Variants in TONSL observed in about 807,000 individuals in gnomAD.
TONSL encodes tonsoku like, DNA repair protein.
Under a neutral mutation model 147.1 loss-of-function variants are expected in TONSL, and 112 were observed. That is an observed-to-expected ratio of 0.76 (90% CI 0.65 to 0.89). The LOEUF (loss-of-function observed/expected upper bound fraction) is 0.89. Ranked by LOEUF, TONSL falls within the 40% of genes least tolerant of loss-of-function variation. The pLI, the probability that TONSL is intolerant of heterozygous loss-of-function variation, is 0.00. For missense variants in TONSL, 1,883 were observed against 1,864.6 expected, an observed-to-expected ratio of 1.01 and a Z score of -0.18; for synonymous variants, 868 against 801.5, an observed-to-expected ratio of 1.08 and a Z score of -1.40.
At chr8:144,439,506 C>G (rs1024877370) in intron 11 of TONSL, among the ~76,000 whole-genome samples, 10 of 152,302 alleles carry the variant, frequency 6.6e-5, no homozygotes, top group Middle Eastern at 3.4e-3. Context: ...CCACCCACCA[C>G]TCAGTCAGAA....
At position 144,432,365 on chromosome 8, in the gene TONSL, G is replaced by T; in HGVS notation, c.3655C>A (p.Leu1219Met). 6.2e-7 allele frequency: 1 copy of T among 1,613,250 alleles called. No homozygotes were observed. Among genetic ancestry groups the T allele is most frequent in the South Asian group, 1.1e-5 (1 of 91,036 alleles). Residue 1219 changes from leucine to methionine, a missense_variant, in exon 23 of 26, where the codon CTG (leucine) becomes ATG (methionine). By Grantham distance (15) the Leu-to-Met change is conservative. Transcript: ENST00000409379. ...TLQSLPAGTL[L>M]HLELSSVAAG... ...GCCACGGAGCTGAGCTCTAAGTGCA[G>T]GAGGGTGCCGGCGGGCAGGCTCTGC... is the stretch of plus-strand genomic sequence containing the variant.
At chr8:144,437,538 C>T (rs1391576773) in intron 13 of TONSL, 2 of 170,396 alleles carry the variant, frequency 1.2e-5, no homozygotes, top group Admixed American at 5.5e-5. Flanking sequence ...GTGATCTGCC[C>T]ACCTTGGCCT....
In TONSL at chr8:144,433,659, C is replaced by T. The variant is rs782299928; in HGVS notation, c.3488G>A (p.Arg1163His). 2.1e-5 allele frequency: 34 copies of T among 1,613,114 alleles called. No homozygotes were observed. The Admixed American group carries it at 4.2e-4, about 20-fold the overall frequency. Residue 1163 changes from arginine to histidine, a missense_variant, in exon 22 of 26, where the codon CGC becomes CAC. Physicochemically the swap from Arg to His is conservative, Grantham distance 29 (BLOSUM62 0). Coordinates refer to ENST00000409379, the MANE Select transcript of TONSL (RefSeq NM_013432.5). ...GGGGCCGAAGCCACACGCCTGCAGGCGCAGGGTGCTGAGTAAGGGGCAGGC... is the reference window on the plus strand; with the variant it reads ...GGGGCCGAAGCCACACGCCTGCAGGTGCAGGGTGCTGAGTAAGGGGCAGGC... The part of the protein sequence containing the change: ...LHACPLLSTL[R>H]LQACGFGPSF...
In TONSL at chr8:144,430,419, A is replaced by G. The variant is rs782685202; in HGVS notation, c.3928T>C (p.Phe1310Leu). The G allele has an allele frequency of 1.2e-6, 2 of 1,609,898 alleles. No individual in the cohort carries two copies. The highest frequency in any genetic ancestry group is 1.1e-5 in the South Asian group (1 of 90,414). ...CAGCACTCACCTGACAGGCCAAGGAAGCTAAGGCCTTGGGGCCGCTTTTGG... is the reference window on the plus strand; with the variant it reads ...CAGCACTCACCTGACAGGCCAAGGAGGCTAAGGCCTTGGGGCCGCTTTTGG... ...TLQKRPQGLS[F>L]LGLSGCAVQG... Residue 1310 changes from phenylalanine to leucine, a missense_variant, in exon 25 of 26, where the codon TTC (phenylalanine) becomes CTC (leucine). Transcript: ENST00000409379.
rs1823229369 is a variant in TONSL at position 144,432,165 on chromosome 8, C to T, written c.3735+120G>A. 5.3e-6 allele frequency: 6 copies of T among 1,134,666 alleles called. No individual in the cohort carries two copies. The East Asian group carries it at 7.3e-5, about 14-fold the overall frequency. The allele number at this position is 1,134,666 out of a possible 1,614,324, so 70.3% of individuals were successfully genotyped here. A position where few individuals can be genotyped will look rare whatever the true frequency, so the allele number is the denominator to read the frequency against. Reference sequence around the variant, plus strand: ...TCTAAACCTCCAAACCTCTAACTCTCTCTGTAGAGCCCCTCAGCGAGTTCA... The same window carrying T: ...TCTAAACCTCCAAACCTCTAACTCTTTCTGTAGAGCCCCTCAGCGAGTTCA... On this transcript the variant is annotated intron_variant, in intron 23 of 25. Transcript: ENST00000409379.
chr8:144,430,017 G>A (rs529880439), intron 25 of TONSL, among the ~76,000 whole-genome samples: 1 of 152,316 alleles, frequency 6.6e-6, no homozygotes, highest in East Asian at 1.9e-4. Context: ...GCCCTGGGCA[G>A]GGTTGTGTCA....
intron 13 of TONSL, among the ~76,000 whole-genome samples, chr8:144,437,481 CA>C (rs1198799913): frequency 6.6e-6 from 1 of 151,954 alleles, no homozygotes; most frequent in Non-Finnish European, 1.5e-5. Context: ...GCAGGTACCC[CA>C]TTTTTTTTTT....
rs1299208746 is a variant in TONSL at position 144,442,825 on chromosome 8, A to C, written c.449-19T>G. The stretch of plus-strand genomic sequence containing the variant: ...AGTGTCCCTGGAAGATACCCCCCCA[A>C]ACACTCAGCCACTTCCTCCCCACAT... On this transcript the variant is annotated intron_variant, in intron 4 of 25. Coordinates refer to ENST00000409379, the MANE Select transcript of TONSL (RefSeq NM_013432.5). 1 of 1,603,694 alleles carries C rather than the reference A, an allele frequency of 6.2e-7. No homozygotes were observed. The highest frequency in any genetic ancestry group is 1.3e-5 in the African/African-American group (1 of 74,568).
In TONSL at chr8:144,443,966, A is replaced by C; in HGVS notation, c.180T>G (p.Ala60=). The C allele has an allele frequency of 6.5e-7, 1 of 1,542,054 alleles. No homozygotes were observed. The highest frequency in any genetic ancestry group is 8.7e-7 in the Non-Finnish European group (1 of 1,146,626). Residue 60 remains alanine (A), a synonymous_variant, in exon 3 of 26, where the codon GCT becomes GCG. Coordinates refer to ENST00000409379, the MANE Select transcript of TONSL (RefSeq NM_013432.5). The part of the protein sequence containing the change: ...HWQELQLRER[A]DDPLGCAVAH... ...CCACGGCACAGCCCAGAGGGTCGTC[A>C]GCGCGCTCCCGAAGCTGCAGCTCCT...
rs1035298966 is a variant in TONSL at position 144,443,280 on chromosome 8, G to C, written c.306C>G (p.Asn102Lys). The C allele has an allele frequency of 7.7e-6, 12 of 1,550,742 alleles. No homozygotes were observed. Among genetic ancestry groups the C allele is most frequent in the Non-Finnish European group, 1.0e-5 (12 of 1,146,918 alleles). ...CCCAGGCCCTCTGCAGCTCCGTGTG[G>C]TTGCGCAGGGAATGTGCCAGCTCCA... ...QYLELAHSLR[N>K]HTELQRAWAT... is the part of the protein sequence containing the mutation. Residue 102 changes from asparagine to lysine, a missense_variant, in exon 4 of 26, where the codon AAC (asparagine) becomes AAG (lysine). Coordinates refer to ENST00000409379, the MANE Select transcript of TONSL (RefSeq NM_013432.5).
At chr8:144,438,787 G>A (rs1823582411) in intron 11 of TONSL, 52 bp from the exon 12 acceptor site, 1 of 1,572,058 alleles carries the variant, frequency 6.4e-7, no homozygotes, top group African/African-American at 1.3e-5. Flanking sequence ...GTGAAGGTTA[G>A]CAGCCCCCAC....
chr8:144,432,260 T>G, intron 23 of TONSL, 25 bp downstream of exon 23: 1 of 1,610,730 alleles, frequency 6.2e-7, no homozygotes, highest in Non-Finnish European at 8.5e-7. Context: ...GCTCAGTATT[T>G]TCTGGGTTCT....
chr8:144,436,201 T>C lies in TONSL; in HGVS notation c.2232A>G (p.Ser744=). ...CGGGGCCTGCGCTGTCCTCGCCTTCTGAGCTGCTGCTGCTGCTGGCTGGCC... is the reference window on the plus strand; with the variant it reads ...CGGGGCCTGCGCTGTCCTCGCCTTCCGAGCTGCTGCTGCTGCTGGCTGGCC... ...RHGPASSSSS[S]EGEDSAGPAR... Residue 744 remains serine, a synonymous_variant, in exon 17 of 26, where the codon TCA becomes TCG. Coordinates refer to ENST00000409379, the MANE Select transcript of TONSL (RefSeq NM_013432.5). The C allele has an allele frequency of 1.9e-6, 3 of 1,569,700 alleles. No individual in the cohort carries two copies. Among genetic ancestry groups the C allele is most frequent in the Non-Finnish European group, 2.6e-6 (3 of 1,161,030 alleles).
Position 144,435,802 on chromosome 8 carries a change from C to T in TONSL, c.2631G>A (p.Lys877=). 6.2e-7 allele frequency: 1 copy of T among 1,612,792 alleles called. No homozygotes were observed. The highest frequency in any genetic ancestry group is 8.5e-7 in the Non-Finnish European group (1 of 1,179,886). The change falls in exon 17 of 26, where the codon AAG becomes AAA. Residue 877 remains lysine, a synonymous_variant. Transcript: ENST00000409379. ...TCTGCATGCAGGTCAGGCGGACCTG[C>T]TTGGCTCGGGCACGGGGCCTGCTCT... ...SEESRPRARA[K]QVRLTCMQSC... is the part of the protein sequence containing the mutation.
rs1484577765 is a variant in TONSL at position 144,435,743 on chromosome 8, C to T, written c.2690G>A (p.Ser897Asn). 3 of 1,612,854 alleles carry T rather than the reference C, an allele frequency of 1.9e-6. No homozygotes were observed. In the Admixed American group the frequency reaches 5.0e-5, roughly 27 times the overall value. Residue 897 changes from serine to asparagine, a missense_variant, in exon 17 of 26, where the codon AGC (serine) becomes AAC (asparagine). Physicochemically the swap from Ser to Asn is conservative, Grantham distance 46. Transcript: ENST00000409379. ...CSAPVNAGPSSLASEPPGSPS... is the reference protein window; with the variant it reads ...CSAPVNAGPSNLASEPPGSPS... ...GCTCCCTGGAGGTTCTGAAGCCAGGCTGCTGGGCCCTGCGTTAACTGGCGC... is the reference window on the plus strand; with the variant it reads ...GCTCCCTGGAGGTTCTGAAGCCAGGTTGCTGGGCCCTGCGTTAACTGGCGC...
At position 144,438,380 on chromosome 8, in the gene TONSL, A is replaced by G; in HGVS notation, c.1653+91T>C. ...AAGGGGCCCCATTTTGAAGATGAGG[A>G]AGTTGAGAGTTACAGAGATAGGGGA... On this transcript the variant is annotated intron_variant, in intron 13 of 25. Transcript: ENST00000409379. 2.2e-6 allele frequency: 3 copies of G among 1,382,410 alleles called. No individual in the cohort carries two copies. The South Asian group carries it at 3.7e-5, about 17-fold the overall frequency. 85.6% of individuals were successfully genotyped at this position (1,382,410 alleles called of 1,614,324 possible).
Position 144,443,285 on chromosome 8 carries a change from G to C in TONSL, c.301C>G (p.Arg101Gly), listed in dbSNP as rs200649272. ...GCCCTCTGCAGCTCCGTGTGGTTGC[G>C]CAGGGAATGTGCCAGCTCCAGGTAC... is the stretch of plus-strand genomic sequence containing the variant. Reference protein sequence around the residue: ...HQYLELAHSLRNHTELQRAWA... With the variant: ...HQYLELAHSLGNHTELQRAWA... The change falls in exon 4 of 26, where the codon CGC (arginine) becomes GGC (glycine). Residue 101 changes from arginine (R) to glycine (G), a missense_variant. Coordinates refer to ENST00000409379, the MANE Select transcript of TONSL (RefSeq NM_013432.5). 6.4e-7 allele frequency: 1 copy of C among 1,550,498 alleles called. No individual in the cohort carries two copies. The highest frequency in any genetic ancestry group is 8.7e-7 in the Non-Finnish European group (1 of 1,146,896).
At chr8:144,431,575 C>T (rs1167611777) in intron 23 of TONSL, among the ~76,000 whole-genome samples, 19 of 151,088 alleles carry the variant, frequency 1.3e-4, no homozygotes, top group East Asian at 3.9e-4. Flanking sequence ...AGTGCGGTGG[C>T]GCCATCTCGG....
intron 22 of TONSL, 46 bp downstream of exon 22, chr8:144,433,542 A>G (rs1554879181): frequency 6.3e-7 from 1 of 1,584,596 alleles, no homozygotes; most frequent in East Asian, 2.3e-5. Context: ...GAAACCCTCA[A>G]TGCCCCAGGG....
Sources: allele counts gnomAD v4.1 joint callset (sites outside exome capture counted in the v4.1 genomes callset), GRCh38; gene constraint gnomAD v4.1.1; transcripts MANE v1.5; gene names NCBI Gene and HGNC (gene_info 2026-07-23, HGNC 2026-07-21).